SAMD12: variants seen among roughly 807,000 people sequenced by gnomAD.
SAMD12 encodes the protein sterile alpha motif domain containing 12, also known as sterile alpha motif domain-containing protein 12.
Under a neutral mutation model 15.0 loss-of-function variants are expected in SAMD12, and 9 were observed. The observed-to-expected ratio is 0.60, with a 90% CI of 0.36 to 1.05. The LOEUF (loss-of-function observed/expected upper bound fraction) is 1.05. SAMD12 is among the 50% of genes least tolerant of loss of function. The pLI, the probability that SAMD12 is intolerant of heterozygous loss-of-function variation, is 0.01. For missense variants in SAMD12, 230 were observed against 234.2 expected (o/e 0.98, Z 0.12); for synonymous variants, 86 against 90.1 (o/e 0.96, Z 0.25).
At chr8:118,152,169 T>G in the SAMD12 span, among the ~76,000 whole-genome samples, 1 of 152,180 alleles carries the variant, frequency 6.6e-6, no homozygotes, top group African/African-American at 2.4e-5. Context: ...AAAGGTTAAA[T>G]GAGTTTGGGT....
chr8:118,547,598 T>C (rs1444089937), intron 2 of SAMD12, among the ~76,000 whole-genome samples: 1 of 152,140 alleles, frequency 6.6e-6, no homozygotes, highest in African/African-American at 2.4e-5. Context: ...AGCAATGATC[T>C]ATCCACACTG....
At chr8:118,385,335 G>A (rs1232347498) in intron 3 of SAMD12, among the ~76,000 whole-genome samples, 2 of 152,166 alleles carry the variant, frequency 1.3e-5, no homozygotes, top group African/African-American at 2.4e-5. Context: ...TAGACTAAGA[G>A]AGAATTCTCC....
intron 4 of SAMD12, among the ~76,000 whole-genome samples, chr8:118,267,649 T>C (rs1020975152): frequency 6.6e-6 from 1 of 152,122 alleles, no homozygotes; most frequent in Non-Finnish European, 1.5e-5. Flanking sequence ...TTTTTATTAA[T>C]GAGTTTGAAA....
At chr8:118,344,271 A>C (rs1422580317) in intron 4 of SAMD12, among the ~76,000 whole-genome samples, 1 of 152,214 alleles carries the variant, frequency 6.6e-6, no homozygotes, top group Non-Finnish European at 1.5e-5. Context: ...GTCCACTAGG[A>C]AACATCTCCC....
chr8:118,382,652 T>C (rs1819733632), intron 3 of SAMD12, among the ~76,000 whole-genome samples: 1 of 152,232 alleles, frequency 6.6e-6, no homozygotes, highest in African/African-American at 2.4e-5. Context: ...GTTCAAATTA[T>C]TTAATCCAAA....
At position 118,378,910 on chromosome 8, in the gene SAMD12, T is replaced by TTA. The variant is rs1445925844; in HGVS notation, c.*505_*506dup. ...AGTTATTTATAATTCCTGTTAAGAATTATATACTCTTAACAGTGTAGTTTT... is the reference window on the plus strand; with the variant it reads ...AGTTATTTATAATTCCTGTTAAGAATTATATATACTCTTAACAGTGTAGTTTT... On this transcript the variant is annotated 3_prime_UTR_variant, in exon 4 of 4. Transcript: ENST00000314727. 1 of 945,344 alleles carries TTA rather than the reference T, an allele frequency of 1.1e-6. No individual in the cohort carries two copies. Among genetic ancestry groups the TTA allele is most frequent in the Non-Finnish European group, 1.3e-6 (1 of 793,282 alleles). 58.6% of individuals were successfully genotyped at this position (945,344 alleles called of 1,614,324 possible).
At chr8:118,469,540 T>TTTAATA (rs1554669467) in intron 2 of SAMD12, among the ~76,000 whole-genome samples, 51 of 1,982 alleles carry the variant, frequency 0.026, 21 homozygotes, top group Non-Finnish European at 0.042. Flanking sequence ...ATTATATATA[T>TTTAATA]TATATTATTA....
At chr8:118,605,425 T>C (rs1004566540) in intron 1 of SAMD12, among the ~76,000 whole-genome samples, 1 of 152,214 alleles carries the variant, frequency 6.6e-6, no homozygotes, top group Non-Finnish European at 1.5e-5. Context: ...TAGTCATTTA[T>C]AGAAAGCCTA....
intron 4 of SAMD12, among the ~76,000 whole-genome samples, chr8:118,304,833 G>T (rs893496351): frequency 6.6e-6 from 1 of 150,674 alleles, no homozygotes; most frequent in African/African-American, 2.4e-5. Flanking sequence ...AACTTAAAAA[G>T]TACTATTTTA....
chr8:118,463,100 C>CAA (rs71292167), intron 2 of SAMD12, among the ~76,000 whole-genome samples: 30 of 63,106 alleles, frequency 4.8e-4, no homozygotes, highest in African/African-American at 8.3e-4. Flanking sequence ...AACTCCGTCT[C>CAA]AAAAAAAAAA....
intron 4 of SAMD12, among the ~76,000 whole-genome samples, chr8:118,309,449 G>A (rs936781186): frequency 1.3e-5 from 2 of 151,136 alleles, no homozygotes; most frequent in Non-Finnish European, 2.9e-5. Context: ...GTTGATTGAC[G>A]GGCATTTGGG....
chr8:118,447,046 A>G (rs1822935549), intron 2 of SAMD12, among the ~76,000 whole-genome samples: 1 of 152,148 alleles, frequency 6.6e-6, no homozygotes, highest in African/African-American at 2.4e-5. Context: ...TAGAAACTCT[A>G]TGCTTCCCGC....
At chr8:118,301,432 G>T (rs1205113289) in intron 4 of SAMD12, among the ~76,000 whole-genome samples, 1 of 152,154 alleles carries the variant, frequency 6.6e-6, no homozygotes, top group African/African-American at 2.4e-5. Flanking sequence ...AAAAGGTACA[G>T]ATACAAAAGC....
At chr8:118,316,926 A>G (rs1440236857) in intron 4 of SAMD12, among the ~76,000 whole-genome samples, 6 of 145,216 alleles carry the variant, frequency 4.1e-5, no homozygotes, top group Non-Finnish European at 8.9e-5. Context: ...AAGCGCTGGG[A>G]TTACAGGTGT....
chr8:118,338,288 C>G (rs1212140948), intron 4 of SAMD12, among the ~76,000 whole-genome samples: 6 of 152,208 alleles, frequency 3.9e-5, no homozygotes, highest in African/African-American at 9.7e-5. Flanking sequence ...GAAAGTGGAT[C>G]TCTTCAGCTA....
At chr8:118,451,349 G>T (rs1823074540) in intron 2 of SAMD12, among the ~76,000 whole-genome samples, 2 of 152,078 alleles carry the variant, frequency 1.3e-5, no homozygotes, top group Non-Finnish European at 2.9e-5. Context: ...TCCTAATCTG[G>T]GTATGCCAAA....
At position 118,503,055 on chromosome 8, in the gene SAMD12, C is replaced by G. The variant is rs192339318; in HGVS notation, c.193-63094G>C. Among the ~76,000 whole-genome samples, 644 of 152,288 alleles carry G rather than the reference C, an allele frequency of 4.2e-3. 2 individuals carry two copies. Among genetic ancestry groups the G allele is most frequent in the African/African-American group, 0.015 (624 of 41,552 alleles). ...TGTGAGGCAGAGATATTAGACACATCAAGGTAACCATTTTTTATGTTCAAT... is the reference window on the plus strand; with the variant it reads ...TGTGAGGCAGAGATATTAGACACATGAAGGTAACCATTTTTTATGTTCAAT... On this transcript the variant is annotated intron_variant, in intron 2 of 3. Transcript: ENST00000314727.
chr8:118,513,069 T>C (rs958989826), intron 2 of SAMD12, among the ~76,000 whole-genome samples: 3 of 152,154 alleles, frequency 2.0e-5, no homozygotes, highest in Admixed American at 1.3e-4. Flanking sequence ...CTGGGAACAA[T>C]TTGAGGGCAG....
intron 1 of SAMD12, among the ~76,000 whole-genome samples, chr8:118,616,537 C>T (rs1486993709): frequency 6.6e-6 from 1 of 152,230 alleles, no homozygotes; most frequent in African/African-American, 2.4e-5. Context: ...ATCAGAATTA[C>T]ACTTCTGGTC....
Sources: gnomAD v4.1 joint callset for allele counts (sites outside exome capture counted in the v4.1 genomes callset) on GRCh38, gnomAD v4.1.1 for gene constraint, MANE v1.5 for transcripts, NCBI Gene and HGNC (gene_info 2026-07-23, HGNC 2026-07-21) for gene names.